PTPRN2: variants seen among roughly 807,000 people sequenced by gnomAD.
PTPRN2 encodes receptor-type tyrosine-protein phosphatase N2.
In PTPRN2, 74 loss-of-function variants were observed where a neutral mutation model predicts 118.8. That is an observed-to-expected ratio of 0.62 (90% confidence interval 0.52 to 0.76). The LOEUF (loss-of-function observed/expected upper bound fraction) is 0.76. Among genes scored for constraint, PTPRN2 ranks in the 30% least tolerant of loss-of-function variants. The pLI, the probability that PTPRN2 is intolerant of heterozygous loss-of-function variation, is 0.00. For synonymous variants in PTPRN2, 641 were observed against 608.0 expected (o/e 1.05, Z -0.80); for missense variants, 1,481 against 1,394.4 (o/e 1.06, Z -0.99).
intron 11 of PTPRN2, among the ~76,000 whole-genome samples, chr7:158,070,605 T>A (rs1241644386): frequency 1.2e-5 from 1 of 83,662 alleles, no homozygotes; most frequent in African/African-American, 5.7e-5. Context: ...GTGGTGGAGG[T>A]GCTCCTGGTG....
At chr7:157,921,549 A>G (rs963107012) in intron 11 of PTPRN2, among the ~76,000 whole-genome samples, 14 of 152,234 alleles carry the variant, frequency 9.2e-5, no homozygotes, top group African/African-American at 3.1e-4. Context: ...TGATTAGGTC[A>G]TTAAGAGGGA....
At chr7:158,356,947 C>A (rs1808433268) in intron 2 of PTPRN2, among the ~76,000 whole-genome samples, 1 of 152,200 alleles carries the variant, frequency 6.6e-6, no homozygotes, top group African/African-American at 2.4e-5. Flanking sequence ...TGGGCCCCAG[C>A]ACAGGGTCAG....
chr7:158,000,567 G>T (rs1805146288), intron 11 of PTPRN2, among the ~76,000 whole-genome samples: 2 of 150,734 alleles, frequency 1.3e-5, no homozygotes, highest in African/African-American at 4.9e-5. Context: ...GACTGAAGTT[G>T]GGGTGCAGGG....
intron 17 of PTPRN2, among the ~76,000 whole-genome samples, chr7:157,580,411 C>T (rs1303553409): frequency 1.3e-5 from 2 of 151,888 alleles, no homozygotes; most frequent in Non-Finnish European, 2.9e-5. Context: ...GCCCCCATGG[C>T]CACCTGCACA....
At chr7:158,395,316 G>GCGCGA (rs1812289850) in intron 2 of PTPRN2, among the ~76,000 whole-genome samples, 1 of 122,396 alleles carries the variant, frequency 8.2e-6, no homozygotes. Context: ...GAGGGGTGAG[G>GCGCGA]GGCGAGGGGC....
chr7:158,134,931 A>G (rs2150443904), intron 8 of PTPRN2, among the ~76,000 whole-genome samples: 1 of 152,338 alleles, frequency 6.6e-6, no homozygotes, highest in South Asian at 2.1e-4. Flanking sequence ...TATCAGATCC[A>G]GAATTGGAAC....
intron 6 of PTPRN2, among the ~76,000 whole-genome samples, chr7:158,157,582 TGCAGGTCCGGGACTGCCAGCCACAC>T (rs1180555581): frequency 6.6e-5 from 10 of 152,348 alleles, no homozygotes; most frequent in Admixed American, 3.9e-4. Context: ...AGCCGAGCAG[TGCAGGTCCGGGACTGCCAGCCACAC>T]GCAGGTCCGA....
At chr7:157,669,104 G>A (rs913381988) in intron 13 of PTPRN2, among the ~76,000 whole-genome samples, 2 of 152,150 alleles carry the variant, frequency 1.3e-5, no homozygotes, top group African/African-American at 4.8e-5. Context: ...GATCGGCACC[G>A]CTACAAGGTG....
chr7:157,748,031 C>T (rs868282765), intron 12 of PTPRN2, among the ~76,000 whole-genome samples: 841 of 90,468 alleles, frequency 9.3e-3, no homozygotes, highest in African/African-American at 0.038. Flanking sequence ...GGCCTGCGTC[C>T]CTGAGCTCTG....
intron 2 of PTPRN2, among the ~76,000 whole-genome samples, chr7:158,436,231 A>G (rs11767875): frequency 0.37 from 56,673 of 152,110 alleles, 11,701 homozygotes; most frequent in East Asian, 0.62. Flanking sequence ...TCCCACTGCT[A>G]TCCCTGCCTG....
At chr7:157,765,083 CTCCA>C (rs974815900) in intron 12 of PTPRN2, among the ~76,000 whole-genome samples, 1 of 149,126 alleles carries the variant, frequency 6.7e-6, no homozygotes, top group Non-Finnish European at 1.5e-5. Flanking sequence ...GCATCCATAC[CTCCA>C]TCCATCCAAC....
intron 2 of PTPRN2, among the ~76,000 whole-genome samples, chr7:158,317,286 A>G (rs1275934359): frequency 6.6e-6 from 1 of 152,250 alleles, no homozygotes; most frequent in African/African-American, 2.4e-5. Context: ...AACAAAGTCA[A>G]TAACATTCCA....
rs189739894 is a variant in PTPRN2, at chr7:157,831,937, A to G, written c.1788+66736T>C. 9.0e-4 allele frequency among the ~76,000 whole-genome samples: 137 copies of G among 152,262 alleles called. No individual in the cohort carries two copies. The highest frequency in any genetic ancestry group is 2.5e-3 in the Admixed American group (38 of 15,292). ...CCAGAGCGGGGTAAGTTGTTGGAAA[A>G]CGGAAAGAAGTTTGTCTGGCAGTTG... On this transcript the variant is annotated intron_variant, in intron 12 of 22. Coordinates refer to ENST00000389418, the MANE Select transcript of PTPRN2 (RefSeq NM_002847.5). This position sits in a 1 kb window ranked among gnomAD's most constrained non-coding sequence, Gnocchi z 4.8.
At chr7:158,404,096 T>C (rs1813161611) in intron 2 of PTPRN2, among the ~76,000 whole-genome samples, 1 of 152,178 alleles carries the variant, frequency 6.6e-6, no homozygotes, top group African/African-American at 2.4e-5. Context: ...CTGGACTTTC[T>C]ATAATAAAAG....
chr7:158,243,629 A>G (rs1796018939), intron 3 of PTPRN2, among the ~76,000 whole-genome samples: 1 of 152,204 alleles, frequency 6.6e-6, no homozygotes, highest in African/African-American at 2.4e-5. Context: ...AAGAAGCAAC[A>G]TCCTACAAAC....
intron 6 of PTPRN2, among the ~76,000 whole-genome samples, chr7:158,147,881 A>G (rs1585622992): frequency 2.3e-5 from 3 of 128,056 alleles, no homozygotes; most frequent in South Asian, 2.8e-4. Context: ...ACCCCATCTC[A>G]CGCCACGTGT....
rs949199898 is a variant in PTPRN2, at chr7:158,093,556, G to A, written c.1644-12179C>T. ...TGGTGCTGGGCTAATCCAAGCTACCGACAGAAAACCAATAAAAAAATGAGC... is the reference window on the plus strand; with the variant it reads ...TGGTGCTGGGCTAATCCAAGCTACCAACAGAAAACCAATAAAAAAATGAGC... On this transcript the variant is annotated intron_variant, in intron 10 of 22. Coordinates refer to ENST00000389418, the MANE Select transcript of PTPRN2 (RefSeq NM_002847.5). This position sits in a 1 kb window ranked among gnomAD's most constrained non-coding sequence, Gnocchi z 4.4. 3.3e-5 allele frequency among the ~76,000 whole-genome samples: 5 copies of A among 152,166 alleles called. No individual in the cohort carries two copies. Among genetic ancestry groups the A allele is most frequent in the African/African-American group, 4.8e-5 (2 of 41,426 alleles).
intron 12 of PTPRN2, among the ~76,000 whole-genome samples, chr7:157,733,960 A>G (rs1800127066): frequency 1.3e-5 from 1 of 74,528 alleles, no homozygotes; most frequent in Non-Finnish European, 2.8e-5. Flanking sequence ...TGCGCCCAGC[A>G]CAGTTACCCT....
At chr7:157,614,329 G>T (rs564544278) in intron 15 of PTPRN2, among the ~76,000 whole-genome samples, 2 of 152,236 alleles carry the variant, frequency 1.3e-5, no homozygotes, top group African/African-American at 4.8e-5. Context: ...AGCTTCTCGT[G>T]GGCTTGCAGA....
Sources: gnomAD v4.1 joint callset for allele counts (sites outside exome capture counted in the v4.1 genomes callset) on GRCh38, gnomAD v4.1.1 for gene constraint, Gnocchi (gnomAD v3.1) non-coding constraint, MANE v1.5 for transcripts, NCBI Gene and HGNC (gene_info 2026-07-23, HGNC 2026-07-21) for gene names.